The following PCDH19 variants were observed in gnomAD, a reference collection of about 807,000 sequenced individuals.
PCDH19 encodes the protein protocadherin 19.
PCDH19 carries 6 observed loss-of-function variants against 46.2 expected under a neutral mutation model. That is an observed-to-expected ratio of 0.13 (90% CI 0.07 to 0.26). The LOEUF (loss-of-function observed/expected upper bound fraction) is 0.26, where lower values mean the gene tolerates loss of function less well. Ranked by LOEUF, PCDH19 falls within the 10% of genes least tolerant of loss-of-function variation. The pLI is 1.00. For synonymous variants in PCDH19, 481 were observed against 415.7 expected, an observed-to-expected ratio of 1.16 and a Z score of -1.91; for missense variants, 740 against 972.3, an observed-to-expected ratio of 0.76 and a Z score of 3.18.
At chrX:100,301,634 C>A (rs998305436) in intron 5 of PCDH19, among the ~76,000 whole-genome samples, 1 of 111,547 alleles carries the variant, frequency 9.0e-6, no homozygotes, top group Admixed American at 9.5e-5. Context: ...ATGAACAAGA[C>A]AATCTGTAAC....
At chrX:100,403,428 C>T in intron 2 of PCDH19, 96 bp downstream of exon 2, 1 of 909,384 alleles carries the variant, frequency 1.1e-6, no homozygotes, top group South Asian at 2.1e-5. Context: ...CCTCCCTGCC[C>T]TAGCCCGGTT....
chrX:100,364,080 C>T (rs1413590220), intron 3 of PCDH19, among the ~76,000 whole-genome samples: 1 of 110,941 alleles, frequency 9.0e-6, no homozygotes, highest in African/African-American at 3.3e-5. Context: ...TTCTTTACGG[C>T]AGGGTTGGGG....
At position 100,350,662 on chromosome X, in the gene PCDH19, C is replaced by T. The variant is rs747735300; in HGVS notation, c.2659G>A (p.Ala887Thr). The change falls in exon 4 of 6, where the codon GCC becomes ACC. Residue 887 changes from alanine (A) to threonine (T), a missense_variant. This residue lies in a region of PCDH19 where 416 missense variants were observed against 476.8 expected (regional missense o/e 0.87). Transcript: ENST00000373034. ...CCAACATACCTCTTGATTAAATGGG[C>T]TCGGCTATTCACGTAGTTGGAGTCA... ...SFDSNYVNSR[A>T]HLIKSSSTFK... 1.7e-6 allele frequency: 2 copies of T among 1,191,673 alleles called. No homozygotes were observed. Among genetic ancestry groups the T allele is most frequent in the Admixed American group, 4.3e-5 (2 of 46,065 alleles).
chrX:100,351,527 C>T (rs1053076126), intron 3 of PCDH19, among the ~76,000 whole-genome samples: 3 of 112,276 alleles, frequency 2.7e-5, no homozygotes, highest in African/African-American at 9.7e-5. Flanking sequence ...AGAGAAAAGT[C>T]GACACTAAAG....
At chrX:100,339,601 G>A in intron 5 of PCDH19, among the ~76,000 whole-genome samples, 1 of 112,423 alleles carries the variant, frequency 8.9e-6, no homozygotes, top group East Asian at 2.8e-4. Flanking sequence ...TGAGGTTGCA[G>A]TATCAGTCCA....
Position 100,322,865 on chromosome X carries a change from A to ATTTTTTTTTTTT in PCDH19, c.2848+19037_2848+19038insAAAAAAAAAAAA, listed in dbSNP as rs57520956. 7.2e-4 allele frequency among the ~76,000 whole-genome samples: 39 copies of ATTTTTTTTTTTT among 54,401 alleles called. 1 individual carries two copies. The highest frequency in any genetic ancestry group is 1.7e-3 in the Admixed American group (8 of 4,845). The allele number at this position is 54,401 out of a possible 115,157, so 47.2% of individuals were successfully genotyped here. A position where few individuals can be genotyped will look rare whatever the true frequency, so the allele number is the denominator to read the frequency against. On this transcript the variant is annotated intron_variant, in intron 5 of 5. Transcript: ENST00000373034. ...TATATATATATATATATATATATAT[A>ATTTTTTTTTTTT]TTTTTGCAGCTATTGTAAAAGGGGT...
intron 3 of PCDH19, among the ~76,000 whole-genome samples, chrX:100,381,707 T>C (rs1927557447): frequency 8.9e-6 from 1 of 112,144 alleles, no homozygotes; most frequent in Non-Finnish European, 1.9e-5. Flanking sequence ...GAACCACTCC[T>C]AAAATTAATT....
At chrX:100,396,409 C>A (rs1014015124) in intron 3 of PCDH19, among the ~76,000 whole-genome samples, 1 of 111,079 alleles carries the variant, frequency 9.0e-6, no homozygotes, top group African/African-American at 3.3e-5. Flanking sequence ...AGAGAAAAAA[C>A]CAGGTGGAGC....
At chrX:100,315,074 C>A (rs1343342316) in intron 5 of PCDH19, among the ~76,000 whole-genome samples, 2 of 112,173 alleles carry the variant, frequency 1.8e-5, no homozygotes, top group Non-Finnish European at 3.8e-5. Context: ...CAAGACTCTG[C>A]CAGAAAATCC....
chrX:100,333,781 T>TC (rs776466905), intron 5 of PCDH19, among the ~76,000 whole-genome samples: 37 of 98,381 alleles, frequency 3.8e-4, no homozygotes, highest in Non-Finnish European at 6.7e-4. Context: ...TTTGTTTTTT[T>TC]CCTCTTCATT....
chrX:100,362,937 A>G (rs190588989), intron 3 of PCDH19, among the ~76,000 whole-genome samples: 3 of 111,690 alleles, frequency 2.7e-5, no homozygotes, highest in Admixed American at 9.5e-5. Context: ...GAAAATAGAA[A>G]AAGTTCTTAC....
chrX:100,387,526 T>C (rs775756008), intron 3 of PCDH19, among the ~76,000 whole-genome samples: 41 of 111,731 alleles, frequency 3.7e-4, no homozygotes, highest in Non-Finnish European at 5.7e-4. Context: ...CATTTGGTAC[T>C]GAAAAGGGCA....
rs1928353665 is a variant in PCDH19, at chrX:100,406,580, C to T, written c.2018G>A (p.Gly673Asp). 1 of 1,208,347 alleles carries T rather than the reference C, an allele frequency of 8.3e-7. No individual in the cohort carries two copies. Among genetic ancestry groups the T allele is most frequent in the Non-Finnish European group, 1.1e-6 (1 of 894,113 alleles). The change falls in exon 1 of 6, where the codon GGC becomes GAC. Residue 673 changes from glycine to aspartate, a missense_variant. Gly to Asp is a moderately conservative substitution (Grantham distance 94). Coordinates refer to ENST00000373034, the MANE Select transcript of PCDH19 (RefSeq NM_001184880.2). ...GAAAATCAAGGACAAGTTCACAGAGCCCATTGACTCTTGGGCATCGAGAGC... is the reference window on the plus strand; with the variant it reads ...GAAAATCAAGGACAAGTTCACAGAGTCCATTGACTCTTGGGCATCGAGAGC... ...SPALDAQESM[G>D]SVNLSLIFII...
At chrX:100,334,462 T>C (rs1474340525) in intron 5 of PCDH19, among the ~76,000 whole-genome samples, 2 of 111,778 alleles carry the variant, frequency 1.8e-5, no homozygotes, top group African/African-American at 6.5e-5. Flanking sequence ...CTAGTGTACA[T>C]TTCCAGGGCA....
rs868786328 is a variant in PCDH19, at chrX:100,409,418, G to A, written c.-821C>T. On this transcript the variant is annotated 5_prime_UTR_variant, in exon 1 of 6. Coordinates refer to ENST00000373034, the MANE Select transcript of PCDH19 (RefSeq NM_001184880.2). ...GGGGGCGCGTCTGTCCAGGATCCGA[G>A]GTGGGAGCGGAGTTCCCCCCACAGA... is the stretch of plus-strand genomic sequence containing the variant. The A allele has an allele frequency of 8.8e-6, 1 of 113,364 alleles. No homozygotes were observed. The highest frequency in any genetic ancestry group is 3.2e-5 in the African/African-American group (1 of 30,936). The allele number at this position is 113,364 out of a possible 1,213,427, so 9.3% of individuals were successfully genotyped here.
rs1260698205 is a variant in PCDH19 at position 100,293,100 on chromosome X, ATCAG to A, written c.*3173_*3176del. ...AAGTCAGCTAAACTCCCTTCATAAA[ATCAG>A]TCAGTCATATGCTGAAGTAACACTA... On this transcript the variant is annotated 3_prime_UTR_variant, in exon 6 of 6. Coordinates refer to ENST00000373034, the MANE Select transcript of PCDH19 (RefSeq NM_001184880.2). 1 of 111,941 alleles carries A rather than the reference ATCAG, an allele frequency of 8.9e-6. No individual in the cohort carries two copies. Among genetic ancestry groups the A allele is most frequent in the Non-Finnish European group, 1.9e-5 (1 of 53,174 alleles). 9.2% of individuals were successfully genotyped at this position (111,941 alleles called of 1,213,427 possible).
rs60720039 is a variant in PCDH19 at position 100,322,833 on chromosome X, G to GTATATATATATATA, written c.2848+19056_2848+19069dup. 1.1e-3 allele frequency among the ~76,000 whole-genome samples: 55 copies of GTATATATATATATA among 48,765 alleles called. 2 individuals carry two copies. The highest frequency in any genetic ancestry group is 7.7e-3 in the Admixed American group (28 of 3,615). 42.3% of individuals were successfully genotyped at this position (48,765 alleles called of 115,157 possible). A position where few individuals can be genotyped will look rare whatever the true frequency, so the allele number is the denominator to read the frequency against. On this transcript the variant is annotated intron_variant, in intron 5 of 5. Coordinates refer to ENST00000373034, the MANE Select transcript of PCDH19 (RefSeq NM_001184880.2). ...CCTCCTTGGTTAGGTATATTCCTAA[G>GTATATATATATATA]TATATATATATATATATATATATAT...
intron 1 of PCDH19, 106 bp from the exon 2 acceptor site, chrX:100,403,770 C>A: frequency 1.5e-6 from 1 of 675,251 alleles, no homozygotes; most frequent in Non-Finnish European, 2.2e-6. Flanking sequence ...ATTTAATTAA[C>A]ACTGACACAG....
chrX:100,394,217 C>A (rs916950996), intron 3 of PCDH19, among the ~76,000 whole-genome samples: 2 of 111,939 alleles, frequency 1.8e-5, no homozygotes, highest in African/African-American at 6.5e-5. Flanking sequence ...ACACTGAGCT[C>A]AAGGAGAACA....
Sources: allele counts gnomAD v4.1 joint callset (sites outside exome capture counted in the v4.1 genomes callset), GRCh38; gene constraint gnomAD v4.1.1; regional missense constraint gnomAD v4.1.1; transcripts MANE v1.5; gene names NCBI Gene and HGNC (gene_info 2026-07-23, HGNC 2026-07-21).